GPHN: variants seen among roughly 807,000 people sequenced by gnomAD.
GPHN encodes the protein gephyrin.
A neutral mutation model predicts 95.5 loss-of-function variants in GPHN; 17 were observed. That is an observed-to-expected ratio of 0.18 (90% confidence interval 0.12 to 0.27). The LOEUF (loss-of-function observed/expected upper bound fraction) is 0.27, where lower values mean the gene tolerates loss of function less well. Among genes scored for constraint, GPHN ranks in the 10% least tolerant of loss-of-function variants. The pLI, the probability that GPHN is intolerant of heterozygous loss-of-function variation, is 1.00. For missense variants in GPHN, 660 were observed against 978.1 expected (o/e 0.67, Z 4.34); for synonymous variants, 320 against 322.5 (o/e 0.99, Z 0.08).
At chr14:66,762,407 A>AAAATGAGG (rs2058791000) in intron 2 of GPHN, among the ~76,000 whole-genome samples, 1 of 152,176 alleles carries the variant, frequency 6.6e-6, no homozygotes, top group African/African-American at 2.4e-5. Flanking sequence ...AAAGTTCTTT[A>AAAATGAGG]AAATGAGGAA....
intron 8 of GPHN, among the ~76,000 whole-genome samples, chr14:66,950,306 A>G (rs1049440437): frequency 6.6e-6 from 1 of 152,148 alleles, no homozygotes; most frequent in Non-Finnish European, 1.5e-5. Context: ...TACTTGCTCA[A>G]GGTAGATCCT....
chr14:67,432,527 C>T, the GPHN span, among the ~76,000 whole-genome samples: 1 of 152,216 alleles, frequency 6.6e-6, no homozygotes, highest in African/African-American at 2.4e-5. Context: ...ACAAGGACAC[C>T]TCTCTTCTGT....
chr14:66,948,620 CT>C (rs146750166), intron 8 of GPHN, among the ~76,000 whole-genome samples: 2 of 151,948 alleles, frequency 1.3e-5, no homozygotes, highest in African/African-American at 2.4e-5. Context: ...ACTGATAAAA[CT>C]TTTTTTTAGG....
chr14:67,279,732 G>A, the GPHN span: 1 of 461,600 alleles, frequency 2.2e-6, no homozygotes, highest in Non-Finnish European at 3.7e-6. Context: ...AAAGCATGTG[G>A]CTTAAATGTT....
the GPHN span, chr14:67,586,219 C>A: frequency 2.4e-6 from 3 of 1,252,576 alleles, no homozygotes; most frequent in Admixed American, 1.7e-5. Context: ...AATTGTTGGT[C>A]TTGTCTGTAA....
intron 2 of GPHN, among the ~76,000 whole-genome samples, chr14:66,776,034 C>T (rs2059370595): frequency 6.6e-6 from 1 of 152,128 alleles, no homozygotes; most frequent in South Asian, 2.1e-4. Flanking sequence ...GAAGGAAGGG[C>T]AGAAATATGT....
intron 1 of GPHN, among the ~76,000 whole-genome samples, chr14:66,529,599 G>T (rs2058831042): frequency 6.6e-6 from 1 of 152,252 alleles, no homozygotes. Context: ...TATCTTTGTG[G>T]ATTTATCTAC....
the GPHN span, among the ~76,000 whole-genome samples, chr14:67,698,186 A>T: frequency 6.6e-6 from 1 of 152,208 alleles, no homozygotes; most frequent in Non-Finnish European, 1.5e-5. Context: ...ATGAAGCTGG[A>T]AATTTCTCCC....
chr14:67,222,437 G>A, the GPHN span, among the ~76,000 whole-genome samples: 3 of 152,144 alleles, frequency 2.0e-5, no homozygotes, highest in East Asian at 1.9e-4. Context: ...GATTACAGGC[G>A]TTTGCCACCA....
chr14:66,651,455 C>T (rs2065038794), intron 1 of GPHN, among the ~76,000 whole-genome samples: 1 of 152,126 alleles, frequency 6.6e-6, no homozygotes, highest in Non-Finnish European at 1.5e-5. Context: ...TGTATGATCA[C>T]CTATCTCGGC....
the GPHN span, chr14:67,562,187 G>A: frequency 1.2e-6 from 2 of 1,611,544 alleles, no homozygotes; most frequent in South Asian, 2.2e-5. Flanking sequence ...CTACGGAGCT[G>A]CAGAGCAGGA....
chr14:67,353,065 G>A, the GPHN span: 3 of 1,548,704 alleles, frequency 1.9e-6, no homozygotes, highest in African/African-American at 2.8e-5. Context: ...ACAAAGTTAA[G>A]ACATCTATTC....
chr14:66,836,398 A>C (rs1158338004), intron 4 of GPHN, among the ~76,000 whole-genome samples: 1 of 145,628 alleles, frequency 6.9e-6, no homozygotes, highest in Non-Finnish European at 1.5e-5. Context: ...GTATGTAGAA[A>C]GCTGAAACTG....
the GPHN span, among the ~76,000 whole-genome samples, chr14:67,685,511 T>TG: frequency 1.3e-5 from 2 of 152,086 alleles, no homozygotes; most frequent in Admixed American, 6.6e-5. Context: ...TTTTTAGAGA[T>TG]GGGGTCTCCC....
chr14:67,361,476 A>G, the GPHN span, among the ~76,000 whole-genome samples: 91 of 152,378 alleles, frequency 6.0e-4, 1 homozygote, highest in African/African-American at 2.0e-3. Context: ...TAGCACTCCT[A>G]TACCAAGAAC....
chr14:66,662,997 C>T lies in GPHN; in HGVS notation c.65-18110C>T, dbSNP rs1394614573. On this transcript the variant is annotated intron_variant, in intron 1 of 22. Transcript: ENST00000478722. ...TTATGTAAAGAGACTGAATATATGA[C>T]TGATTGGTGTACCTGAAAGAGATGA... Among the ~76,000 whole-genome samples, 4 of 152,124 alleles carry T rather than the reference C, an allele frequency of 2.6e-5. No homozygotes were observed. In the East Asian group the frequency reaches 7.7e-4, roughly 29 times the overall value.
the GPHN span, chr14:67,728,168 T>A: frequency 6.6e-6 from 1 of 152,220 alleles, no homozygotes; most frequent in Non-Finnish European, 1.5e-5. Flanking sequence ...GGTCCATTTG[T>A]TACAGTGAAT....
the GPHN span, chr14:67,199,858 C>T: frequency 3.4e-6 from 5 of 1,490,538 alleles, no homozygotes; most frequent in Non-Finnish European, 4.5e-6. Flanking sequence ...ACCACCTATG[C>T]CTCCTGGGGC....
In GPHN at chr14:67,181,041, A is replaced by G; in HGVS notation, c.*104A>G. Reference sequence around the variant, plus strand: ...GTTTTCCCGATTTGGATAAAAGTTGATCTGTATAGTCAACATCTTGAACTA... The same window carrying G: ...GTTTTCCCGATTTGGATAAAAGTTGGTCTGTATAGTCAACATCTTGAACTA... On this transcript the variant is annotated 3_prime_UTR_variant, in exon 23 of 23. Transcript: ENST00000478722. 1 of 1,042,818 alleles carries G rather than the reference A, an allele frequency of 9.6e-7. No individual in the cohort carries two copies. The highest frequency in any genetic ancestry group is 1.5e-6 in the Non-Finnish European group (1 of 671,392). The allele number at this position is 1,042,818 out of a possible 1,614,324, so 64.6% of individuals were successfully genotyped here. A position where few individuals can be genotyped will look rare whatever the true frequency, so the allele number is the denominator to read the frequency against.
Sources: gnomAD v4.1 joint callset for allele counts (sites outside exome capture counted in the v4.1 genomes callset) on GRCh38, gnomAD v4.1.1 for gene constraint, MANE v1.5 for transcripts, NCBI Gene and HGNC (gene_info 2026-07-23, HGNC 2026-07-21) for gene names.